Variants in LYPD1 observed in about 807,000 individuals in gnomAD.
LYPD1 encodes the protein ly6/PLAUR domain-containing protein 1.
Under a neutral mutation model 14.2 loss-of-function variants are expected in LYPD1, and 14 were observed. That is an observed-to-expected ratio of 0.99 (90% CI 0.65 to 1.54). The LOEUF (loss-of-function observed/expected upper bound fraction) is 1.54. LYPD1 is among the 40% of genes most tolerant of loss of function. The pLI is 0.00. For missense variants in LYPD1, 165 were observed against 175.7 expected (o/e 0.94, Z 0.34); for synonymous variants, 85 against 70.6 (o/e 1.20, Z -1.02).
At chr2:132,646,919 C>T (rs542252263) in intron 2 of LYPD1, among the ~76,000 whole-genome samples, 1 of 152,268 alleles carries the variant, frequency 6.6e-6, no homozygotes, top group South Asian at 2.1e-4. Context: ...AAGCCAGTAC[C>T]ACGCAGCTAG....
intron 2 of LYPD1, among the ~76,000 whole-genome samples, chr2:132,651,983 G>C (rs1218305211): frequency 6.6e-6 from 1 of 152,170 alleles, no homozygotes; most frequent in Non-Finnish European, 1.5e-5. Context: ...CAGCAACATG[G>C]GCAGGAAGGA....
rs1682042674 is a variant in LYPD1, at chr2:132,645,873, C to T, written c.*172G>A. On this transcript the variant is annotated 3_prime_UTR_variant, in exon 3 of 3. Coordinates refer to ENST00000397463, the MANE Select transcript of LYPD1 (RefSeq NM_144586.7). The stretch of plus-strand genomic sequence containing the variant: ...AAAATTCAGTCAGGCTGAATTTATT[C>T]AGAATGCTTTACCGAGCTCTTTCAT... The T allele has an allele frequency of 1.5e-6, 1 of 660,694 alleles. No individual in the cohort carries two copies. Among genetic ancestry groups the T allele is most frequent in the Non-Finnish European group, 2.5e-6 (1 of 396,424 alleles). The allele number at this position is 660,694 out of a possible 1,614,324, so 40.9% of individuals were successfully genotyped here.
intron 2 of LYPD1, among the ~76,000 whole-genome samples, chr2:132,657,189 A>C (rs1296997671): frequency 2.0e-5 from 3 of 152,216 alleles, no homozygotes; most frequent in Non-Finnish European, 4.4e-5. Flanking sequence ...ATAATGTATG[A>C]TGCCAATTGT....
At chr2:132,663,773 G>A (rs961113207) in intron 2 of LYPD1, among the ~76,000 whole-genome samples, 6 of 152,166 alleles carry the variant, frequency 3.9e-5, no homozygotes, top group Non-Finnish European at 5.9e-5. Flanking sequence ...CTGGTAGGAG[G>A]AGGAGAGACA....
rs375773838 is a variant in LYPD1 at position 132,669,960 on chromosome 2, G to A, written c.-28C>T. The A allele has an allele frequency of 3.7e-6, 6 of 1,610,354 alleles. No homozygotes were observed. In the East Asian group the frequency reaches 1.1e-4, roughly 30 times the overall value. On this transcript the variant is annotated 5_prime_UTR_variant, in exon 1 of 3. Coordinates refer to ENST00000397463, the MANE Select transcript of LYPD1 (RefSeq NM_144586.7). This position sits in a 1 kb window ranked among gnomAD's most constrained non-coding sequence, Gnocchi z 4.3. Reference sequence around the variant, plus strand: ...TCCCGGAGTCCCGGGGCCGGGAGAGGGCAAGCGCATCAGAGGAGGCGACAG... The same window carrying A: ...TCCCGGAGTCCCGGGGCCGGGAGAGAGCAAGCGCATCAGAGGAGGCGACAG...
In LYPD1 at chr2:132,645,894, T is replaced by G. The variant is rs887352657; in HGVS notation, c.*151A>C. The G allele has an allele frequency of 5.9e-6, 4 of 674,132 alleles. No individual in the cohort carries two copies. The highest frequency in any genetic ancestry group is 9.8e-6 in the Non-Finnish European group (4 of 407,762). 41.8% of individuals were successfully genotyped at this position (674,132 alleles called of 1,614,324 possible). A position where few individuals can be genotyped will look rare whatever the true frequency, so the allele number is the denominator to read the frequency against. ...TATTCAGAATGCTTTACCGAGCTCT[T>G]TCATTATTTGCACAGGAACAAAAGA... On this transcript the variant is annotated 3_prime_UTR_variant, in exon 3 of 3. Transcript: ENST00000397463.
chr2:132,643,568 C>T lies in LYPD1; in HGVS notation c.*2477G>A, dbSNP rs778802834. 5.3e-5 allele frequency among the ~76,000 whole-genome samples: 8 copies of T among 152,226 alleles called. No individual in the cohort carries two copies. The highest frequency in any genetic ancestry group is 1.0e-4 in the Non-Finnish European group (7 of 68,042). On this transcript the variant is annotated 3_prime_UTR_variant, in exon 3 of 3. Transcript: ENST00000397463. ...TCACTCTGTCAGCCAGGCTGGAGTG[C>T]AGTGGCACATTCGTGTCTCACTGTA...
intron 2 of LYPD1, 86 bp downstream of exon 2, chr2:132,668,314 T>C (rs1683401189): frequency 2.0e-6 from 3 of 1,468,858 alleles, no homozygotes; most frequent in Non-Finnish European, 2.7e-6. Context: ...TCAAAGTCAG[T>C]CCTTTTTCCT....
chr2:132,650,638 C>T (rs1682324355), intron 2 of LYPD1, among the ~76,000 whole-genome samples: 1 of 151,646 alleles, frequency 6.6e-6, no homozygotes, highest in Non-Finnish European at 1.5e-5. Flanking sequence ...GAAGATGATA[C>T]TGAGTTAAAA....
chr2:132,655,119 C>T (rs916520415), intron 2 of LYPD1, among the ~76,000 whole-genome samples: 8 of 152,124 alleles, frequency 5.3e-5, no homozygotes, highest in Non-Finnish European at 1.0e-4. Context: ...ACTGGGCACA[C>T]GCTGCTTATC....
chr2:132,645,085 G>C lies in LYPD1; in HGVS notation c.*960C>G. ...TTTCTTTTCTCTGTCTCTCCCTCCT[G>C]CTCGTGTCTGCCCAGGGCTGATTGT... On this transcript the variant is annotated 3_prime_UTR_variant, in exon 3 of 3. Coordinates refer to ENST00000397463, the MANE Select transcript of LYPD1 (RefSeq NM_144586.7). 4 of 1,599,384 alleles carry C rather than the reference G, an allele frequency of 2.5e-6. No homozygotes were observed. The highest frequency in any genetic ancestry group is 3.4e-6 in the Non-Finnish European group (4 of 1,171,404).
At chr2:132,668,730 G>T (rs1683439140) in intron 1 of LYPD1, among the ~76,000 whole-genome samples, 193 bp from the exon 2 acceptor site, 1 of 152,128 alleles carries the variant, frequency 6.6e-6, no homozygotes, top group South Asian at 2.1e-4. Context: ...TCCTACGGAA[G>T]AAAGTGGAAT....
chr2:132,668,378 G>A (rs1257233019), intron 2 of LYPD1, 22 bp downstream of exon 2: 3 of 1,595,828 alleles, frequency 1.9e-6, no homozygotes, highest in Non-Finnish European at 2.6e-6. Context: ...AAGAGCGAGG[G>A]GGAGGGCTGC....
Position 132,669,979 on chromosome 2 carries a change from G to A in LYPD1, c.-47C>T, listed in dbSNP as rs775701498. 14 of 1,602,592 alleles carry A rather than the reference G, an allele frequency of 8.7e-6. No individual in the cohort carries two copies. In the East Asian group the frequency reaches 2.9e-4, roughly 34 times the overall value. ...GGAGAGGGCAAGCGCATCAGAGGAG[G>A]CGACAGCAGCGGAGGCTGCCCCGGC... On this transcript the variant is annotated 5_prime_UTR_variant, in exon 1 of 3. Coordinates refer to ENST00000397463, the MANE Select transcript of LYPD1 (RefSeq NM_144586.7). This position sits in a 1 kb window ranked among gnomAD's most constrained non-coding sequence, Gnocchi z 4.3.
At chr2:132,648,217 T>G (rs544692902) in intron 2 of LYPD1, among the ~76,000 whole-genome samples, 1 of 152,384 alleles carries the variant, frequency 6.6e-6, no homozygotes, top group African/African-American at 2.4e-5. Context: ...GGCATTTATT[T>G]GCCACTTCCA....
At chr2:132,657,882 T>C (rs1682693476) in intron 2 of LYPD1, among the ~76,000 whole-genome samples, 1 of 152,148 alleles carries the variant, frequency 6.6e-6, no homozygotes, top group Admixed American at 6.5e-5. Context: ...CTGGAGGTAC[T>C]TTGTTGAATT....
At chr2:132,650,726 AAC>A (rs1162146285) in intron 2 of LYPD1, among the ~76,000 whole-genome samples, 4 of 103,526 alleles carry the variant, frequency 3.9e-5, no homozygotes, top group African/African-American at 1.7e-4. Context: ...AAAAAAAAAA[AAC>A]AAAAAACAAA....
intron 2 of LYPD1, among the ~76,000 whole-genome samples, chr2:132,648,940 T>TG (rs1246108154): frequency 6.6e-6 from 1 of 152,166 alleles, no homozygotes; most frequent in African/African-American, 2.4e-5. Flanking sequence ...AGGGTAGCTG[T>TG]GGGCTTCTAT....
chr2:132,670,943 C>T (rs1403908453), upstream of LYPD1, among the ~76,000 whole-genome samples: 2 of 152,200 alleles, frequency 1.3e-5, no homozygotes, highest in African/African-American at 4.8e-5. This position sits in a 1 kb window ranked among gnomAD's most constrained non-coding sequence, Gnocchi z 4.5. Flanking sequence ...GTCCCGGGGA[C>T]ACCTGCCGTG....
Sources: allele counts gnomAD v4.1 joint callset (sites outside exome capture counted in the v4.1 genomes callset), GRCh38; gene constraint gnomAD v4.1.1; non-coding constraint Gnocchi (gnomAD v3.1); transcripts MANE v1.5; gene names NCBI Gene and HGNC (gene_info 2026-07-23, HGNC 2026-07-21).